USP31: variants seen among roughly 807,000 people sequenced by gnomAD.
The protein encoded by USP31 is ubiquitin specific peptidase 31, also known as ubiquitin carboxyl-terminal hydrolase 31.
In USP31, 44 loss-of-function variants were observed where a neutral mutation model predicts 119.4. The observed-to-expected ratio is 0.37, with a 90% confidence interval of 0.29 to 0.47. The LOEUF (loss-of-function observed/expected upper bound fraction) is 0.47, where lower values mean the gene tolerates loss of function less well. USP31 is among the 20% of genes least tolerant of loss of function. USP31 has a pLI of 0.99. For synonymous variants in USP31, 749 were observed against 705.6 expected, an observed-to-expected ratio of 1.06 and a Z score of -0.97; for missense variants, 1,643 against 1,730.2, an observed-to-expected ratio of 0.95 and a Z score of 0.89.
chr16:23,084,906 G>T lies in USP31; in HGVS notation c.1784C>A (p.Thr595Asn), dbSNP rs201009585. 1.2e-6 allele frequency: 2 copies of T among 1,614,138 alleles called. No individual in the cohort carries two copies. The highest frequency in any genetic ancestry group is 2.7e-5 in the African/African-American group (2 of 75,040). The change falls in exon 11 of 16, where the codon ACC (threonine) becomes AAC (asparagine). Residue 595 changes from threonine (T) to asparagine (N), a missense_variant. This residue lies in a region of USP31 where 279 missense variants were observed against 372.2 expected (regional missense o/e 0.75). Coordinates refer to ENST00000219689, the MANE Select transcript of USP31 (RefSeq NM_020718.4). ...LQRERHHQPQTCTLSQCFQLY... is the reference protein window; with the variant it reads ...LQRERHHQPQNCTLSQCFQLY... ...TTGGAAACACTGGGATAAAGTGCAG[G>T]TTTGAGGCTGATGATGACGCTCCCT...
In USP31 at chr16:23,068,065, G is replaced by A. The variant is rs771755356; in HGVS notation, c.4040C>T (p.Pro1347Leu). The change falls in exon 16 of 16, where the codon CCT (proline) becomes CTT (leucine). Residue 1347 changes from proline to leucine, a missense_variant. This residue lies in a region of USP31 where 699 missense variants were observed against 650.9 expected (regional missense o/e 1.07). Coordinates refer to ENST00000219689, the MANE Select transcript of USP31 (RefSeq NM_020718.4). The stretch of plus-strand genomic sequence containing the variant: ...GAAATATCACTGAGGTTTTTGAGAA[G>A]GCCGTGCAGAGGTTTGCATGCTAGA... ...LSSSMQTSARPSQKPQ is the reference protein window; with the variant it reads ...LSSSMQTSARLSQKPQ The A allele has an allele frequency of 6.2e-7, 1 of 1,610,670 alleles. No individual in the cohort carries two copies. The highest frequency in any genetic ancestry group is 1.7e-5 in the Admixed American group (1 of 59,218).
rs140733501 is a variant in USP31, at chr16:23,077,408, C to T, written c.2176+2538G>A. ...TATTGTGTCCAGTAATCTTCCCCAA[C>T]CCCGGCCCTCCTGGAAGGGAACAGA... On this transcript the variant is annotated intron_variant, in intron 13 of 15. Coordinates refer to ENST00000219689, the MANE Select transcript of USP31 (RefSeq NM_020718.4). Among the ~76,000 whole-genome samples, 7 of 152,184 alleles carry T rather than the reference C, an allele frequency of 4.6e-5. 1 individual carries two copies. The South Asian group carries it at 8.3e-4, about 18-fold the overall frequency.
Position 23,106,230 on chromosome 16 carries a change from A to G in USP31, c.936T>C (p.Ile312=). ...FDPFLCISLP[I]PLPHTRPLYV... is the part of the protein sequence containing the mutation. ...ATTCTTACCTTGTGTGGGGCAGAGG[A>G]ATTGGCAAAGAAATGCAAAGGAAAG... Residue 312 remains isoleucine, a synonymous_variant, in exon 4 of 16, where the codon ATT becomes ATC. Transcript: ENST00000219689. The G allele has an allele frequency of 6.2e-7, 1 of 1,614,230 alleles. No homozygotes were observed. Among genetic ancestry groups the G allele is most frequent in the Non-Finnish European group, 8.5e-7 (1 of 1,180,038 alleles).
At chr16:23,120,062 T>C (rs997489266) in intron 1 of USP31, among the ~76,000 whole-genome samples, 8 of 152,308 alleles carry the variant, frequency 5.3e-5, no homozygotes, top group Admixed American at 1.3e-4. Context: ...CTAACTCAAG[T>C]AACTCAAATG....
chr16:23,100,694 T>C (rs2141865870), intron 6 of USP31, among the ~76,000 whole-genome samples: 1 of 152,126 alleles, frequency 6.6e-6, no homozygotes, highest in Non-Finnish European at 1.5e-5. Context: ...TGAGCCAAGA[T>C]CATGCCACTG....
Position 23,067,859 on chromosome 16 carries a change from T to C in USP31, c.*187A>G. On this transcript the variant is annotated 3_prime_UTR_variant, in exon 16 of 16. Coordinates refer to ENST00000219689, the MANE Select transcript of USP31 (RefSeq NM_020718.4). The stretch of plus-strand genomic sequence containing the variant: ...GCTGTTATTTGGTTCAATGGCAGAA[T>C]AAGGCGACGCTTTGAACAATTTGCA... 1.4e-6 allele frequency: 1 copy of C among 708,890 alleles called. No homozygotes were observed. Among genetic ancestry groups the C allele is most frequent in the Non-Finnish European group, 2.2e-6 (1 of 464,584 alleles). The allele number at this position is 708,890 out of a possible 1,614,324, so 43.9% of individuals were successfully genotyped here.
intron 1 of USP31, among the ~76,000 whole-genome samples, chr16:23,139,959 A>T (rs920244569): frequency 6.6e-6 from 1 of 152,060 alleles, no homozygotes; most frequent in African/African-American, 2.4e-5. Flanking sequence ...TTTTCTTAAT[A>T]ATGTCCAATG....
Position 23,101,281 on chromosome 16 carries a change from T to C in USP31, c.1234+1038A>G, listed in dbSNP as rs112240886. ...CTCTATGAGAATTTTGAAGGAGAAG[T>C]TATCAAGCTTGGATCCAGTTTGAGT... On this transcript the variant is annotated intron_variant, in intron 6 of 15. Transcript: ENST00000219689. Among the ~76,000 whole-genome samples, 861 of 152,212 alleles carry C rather than the reference T, an allele frequency of 5.7e-3. 6 individuals carry two copies. Among genetic ancestry groups the C allele is most frequent in the African/African-American group, 0.02 (812 of 41,532 alleles).
At chr16:23,144,585 T>A (rs1052987793) in intron 1 of USP31, among the ~76,000 whole-genome samples, 1 of 152,140 alleles carries the variant, frequency 6.6e-6, no homozygotes, top group Non-Finnish European at 1.5e-5. Flanking sequence ...GTTCAAGAGA[T>A]TCTCGTGCCT....
chr16:23,145,154 A>G (rs1306399308), intron 1 of USP31, among the ~76,000 whole-genome samples: 1 of 152,166 alleles, frequency 6.6e-6, no homozygotes, highest in African/African-American at 2.4e-5. Context: ...CATCTTTCAG[A>G]ACACTGCTCA....
chr16:23,119,600 C>T (rs1182290557), intron 1 of USP31, among the ~76,000 whole-genome samples: 1 of 152,168 alleles, frequency 6.6e-6, no homozygotes, highest in Non-Finnish European at 1.5e-5. Flanking sequence ...AACCTTGAGG[C>T]TTCAGGGAAT....
intron 1 of USP31, among the ~76,000 whole-genome samples, chr16:23,113,009 C>G (rs1322151885): frequency 2.0e-5 from 3 of 149,342 alleles, no homozygotes; most frequent in Admixed American, 6.7e-5. Flanking sequence ...GCCTGGGCAA[C>G]AAGAGCGAAA....
chr16:23,068,772 C>A lies in USP31; in HGVS notation c.3333G>T (p.Ser1111=), dbSNP rs762433018. 6.3e-7 allele frequency: 1 copy of A among 1,576,982 alleles called. No individual in the cohort carries two copies. The highest frequency in any genetic ancestry group is 8.6e-7 in the Non-Finnish European group (1 of 1,163,548). ...PKSQDSVSSP[S]PQKQKSASAL... ...CCGAGGCTGACTTCTGCTTCTGTGG[C>A]GAAGGAGATGACACGGAGTCCTGAG... is the stretch of plus-strand genomic sequence containing the variant. The change falls in exon 16 of 16, where the codon TCG becomes TCT. Residue 1111 remains serine (S), a synonymous_variant. Transcript: ENST00000219689.
intron 1 of USP31, among the ~76,000 whole-genome samples, chr16:23,120,806 CCT>C (rs753144113): frequency 2.0e-5 from 3 of 152,118 alleles, no homozygotes; most frequent in Non-Finnish European, 2.9e-5. Flanking sequence ...AGTAAAGTGA[CCT>C]ATACATCCCA....
In USP31 at chr16:23,069,505, C is replaced by G; in HGVS notation, c.2600G>C (p.Trp867Ser). ...CATCTGCAGCTTAGCAGACAGGGAC[C>G]ATGAAGGTCTCATGCAATTTTCATT... Reference protein sequence around the residue: ...AVNENCMRPSWSLSAKLQMRS... With the variant: ...AVNENCMRPSSSLSAKLQMRS... The change falls in exon 16 of 16, where the codon TGG becomes TCG. Residue 867 changes from tryptophan to serine, a missense_variant. Coordinates refer to ENST00000219689, the MANE Select transcript of USP31 (RefSeq NM_020718.4). The G allele has an allele frequency of 6.2e-7, 1 of 1,614,190 alleles. No individual in the cohort carries two copies. Among genetic ancestry groups the G allele is most frequent in the Non-Finnish European group, 8.5e-7 (1 of 1,180,034 alleles).
chr16:23,145,365 C>T (rs898747852), intron 1 of USP31, among the ~76,000 whole-genome samples: 1 of 152,124 alleles, frequency 6.6e-6, no homozygotes, highest in Admixed American at 6.5e-5. Flanking sequence ...GCATGAGAAG[C>T]GCTGTCTCAG....
chr16:23,061,992 T>C lies in USP31; in HGVS notation c.*6054A>G, dbSNP rs1899850367. On this transcript the variant is annotated 3_prime_UTR_variant, in exon 16 of 16. Transcript: ENST00000219689. ...ATACTGTAACTGCTTTTGCATTTGGTATGACACCACACCGTTTATAATAGC... is the reference window on the plus strand; with the variant it reads ...ATACTGTAACTGCTTTTGCATTTGGCATGACACCACACCGTTTATAATAGC... The C allele has an allele frequency of 6.5e-6, 1 of 152,690 alleles. No homozygotes were observed. The highest frequency in any genetic ancestry group is 1.5e-5 in the Non-Finnish European group (1 of 68,042). 9.5% of individuals were successfully genotyped at this position (152,690 alleles called of 1,614,324 possible). A position where few individuals can be genotyped will look rare whatever the true frequency, so the allele number is the denominator to read the frequency against.
rs565853510 is a variant in USP31, at chr16:23,072,132, C to T, written c.2401G>A (p.Val801Met). ...CGTCTGGAGGAAGCTGCAGAGGTCA[C>T]GCTGGCTGGCTTGCTGCCCGGGAGC... ...SRLPGSKPASVTSAASSRRTS... is the reference protein window; with the variant it reads ...SRLPGSKPASMTSAASSRRTS... The change falls in exon 15 of 16, where the codon GTG (valine) becomes ATG (methionine). Residue 801 changes from valine (V) to methionine (M), a missense_variant. Around this residue, in one of 5 missense-constraint regions of USP31, gnomAD observed 279 missense variants for 372.2 expected, o/e 0.75. Coordinates refer to ENST00000219689, the MANE Select transcript of USP31 (RefSeq NM_020718.4). 3.7e-6 allele frequency: 6 copies of T among 1,612,792 alleles called. No homozygotes were observed. Among genetic ancestry groups the T allele is most frequent in the South Asian group, 2.2e-5 (2 of 91,084 alleles).
intron 1 of USP31, among the ~76,000 whole-genome samples, chr16:23,139,124 T>A (rs1228941740): frequency 6.6e-6 from 1 of 152,164 alleles, no homozygotes; most frequent in African/African-American, 2.4e-5. Flanking sequence ...TAATTCAGGC[T>A]AGGCACGGTG....
Sources: allele counts gnomAD v4.1 joint callset (sites outside exome capture counted in the v4.1 genomes callset), GRCh38; gene constraint gnomAD v4.1.1; regional missense constraint gnomAD v4.1.1; transcripts MANE v1.5; gene names NCBI Gene and HGNC (gene_info 2026-07-23, HGNC 2026-07-21).